PIWIL4: variants seen among roughly 807,000 people sequenced by gnomAD.
PIWIL4 encodes the protein piwi like RNA-mediated gene silencing 4, also known as piwi-like protein 4.
PIWIL4 carries 50 observed loss-of-function variants against 100.9 expected under a neutral mutation model. The ratio of observed to expected loss-of-function variants is 0.50; its 90% CI spans 0.39 to 0.63. The LOEUF is 0.63. PIWIL4 is among the 20% of genes least tolerant of loss of function. The pLI is 0.00. For synonymous variants in PIWIL4, 342 were observed against 367.5 expected, an observed-to-expected ratio of 0.93 and a Z score of 0.79; for missense variants, 887 against 1,043.3, an observed-to-expected ratio of 0.85 and a Z score of 2.06.
rs1293431616 is a variant in PIWIL4, at chr11:94,583,297, G to C, written c.514-151G>C. The C allele has an allele frequency of 9.6e-6, 8 of 835,304 alleles. No individual in the cohort carries two copies. In the Admixed American group the frequency reaches 2.0e-4, roughly 21 times the overall value. 51.7% of individuals were successfully genotyped at this position (835,304 alleles called of 1,614,324 possible). A position where few individuals can be genotyped will look rare whatever the true frequency, so the allele number is the denominator to read the frequency against. The stretch of plus-strand genomic sequence containing the variant: ...AAGATACAGAGAAAAAAAGCCCTCT[G>C]AACATAATGTGATGATTAGATTATT... On this transcript the variant is annotated intron_variant, in intron 4 of 19. Coordinates refer to ENST00000299001, the MANE Select transcript of PIWIL4 (RefSeq NM_152431.3).
chr11:94,616,080 TAC>T (rs1326534820), intron 15 of PIWIL4, among the ~76,000 whole-genome samples: 1 of 152,252 alleles, frequency 6.6e-6, no homozygotes, highest in Non-Finnish European at 1.5e-5. Flanking sequence ...TGGCCTCTAT[TAC>T]TCTTTACTAT....
chr11:94,577,586 C>G (rs941951856), intron 4 of PIWIL4, 94 bp downstream of exon 4: 2 of 972,908 alleles, frequency 2.1e-6, no homozygotes, highest in East Asian at 5.3e-5. Flanking sequence ...CAAGGAGATT[C>G]CAAAAGGTTT....
At chr11:94,595,952 CAT>C (rs1461315760) in intron 10 of PIWIL4, among the ~76,000 whole-genome samples, 2 of 152,172 alleles carry the variant, frequency 1.3e-5, no homozygotes, top group Non-Finnish European at 2.9e-5. Context: ...TTTGCTATAA[CAT>C]GTGATTGGAA....
rs1195100280 is a variant in PIWIL4 at position 94,619,748 on chromosome 11, T to C, written c.2169-12T>C. The C allele has an allele frequency of 1.2e-6, 2 of 1,608,128 alleles. No homozygotes were observed. The highest frequency in any genetic ancestry group is 1.7e-6 in the Non-Finnish European group (2 of 1,178,294). ...TTGAGTTCTTTTCATATTTTGCCTC[T>C]CTAATTTTTAGCTCAAGACTGTCGG... On this transcript the variant is annotated splice_polypyrimidine_tract_variant and intron_variant, in intron 17 of 19. Transcript: ENST00000299001.
At chr11:94,578,190 G>A (rs892704022) in intron 4 of PIWIL4, among the ~76,000 whole-genome samples, 15 of 152,026 alleles carry the variant, frequency 9.9e-5, no homozygotes, top group Admixed American at 4.6e-4. Flanking sequence ...CTTCAGGATC[G>A]TACTGGTAAA....
intron 14 of PIWIL4, 98 bp from the exon 15 acceptor site, chr11:94,608,485 C>T (rs2089309999): frequency 1.3e-5 from 13 of 972,392 alleles, no homozygotes; most frequent in Non-Finnish European, 2.1e-5. Flanking sequence ...TTTAAGAATT[C>T]AGTAACTGGA....
chr11:94,573,673 C>T (rs373949629), intron 2 of PIWIL4, among the ~76,000 whole-genome samples: 35 of 152,234 alleles, frequency 2.3e-4, no homozygotes, highest in South Asian at 1.0e-3. Context: ...TTTTGATATG[C>T]GCACATTGTT....
Position 94,589,030 on chromosome 11 carries a change from T to C in PIWIL4, c.915-91T>C, listed in dbSNP as rs1948442929. On this transcript the variant is annotated intron_variant, in intron 7 of 19. Transcript: ENST00000299001. ...TTTCATAATTTCTGACATTCTGGAG[T>C]CTATCTTATGTGTTGAATTAAAAGT... is the stretch of plus-strand genomic sequence containing the variant. 4.3e-5 allele frequency: 34 copies of C among 792,946 alleles called. No individual in the cohort carries two copies. In the South Asian group the frequency reaches 5.8e-4, roughly 14 times the overall value. 49.1% of individuals were successfully genotyped at this position (792,946 alleles called of 1,614,324 possible).
rs187267318 is a variant in PIWIL4 at position 94,606,224 on chromosome 11, G to A, written c.1639-1215G>A. ...GCTCCCATCTTCTCTCAGCCCATTGGGCCACTGCCTTGTTCTACCACTTTT... is the reference window on the plus strand; with the variant it reads ...GCTCCCATCTTCTCTCAGCCCATTGAGCCACTGCCTTGTTCTACCACTTTT... On this transcript the variant is annotated intron_variant, in intron 13 of 19. Coordinates refer to ENST00000299001, the MANE Select transcript of PIWIL4 (RefSeq NM_152431.3). Among the ~76,000 whole-genome samples the A allele has an allele frequency of 2.7e-3, 410 of 152,198 alleles. 2 individuals are homozygous for A. Among genetic ancestry groups the A allele is most frequent in the African/African-American group, 8.2e-3 (341 of 41,508 alleles).
rs372720869 is a variant in PIWIL4, at chr11:94,575,049, G to A, written c.217G>A (p.Gly73Ser). The change falls in exon 3 of 20, where the codon GGT (glycine) becomes AGT (serine). Residue 73 changes from glycine (G) to serine (S), a missense_variant. Gly to Ser is a moderately conservative substitution (Grantham distance 56, BLOSUM62 0). Around this residue, in one of 2 missense-constraint regions of PIWIL4, gnomAD observed 146 missense variants for 113.4 expected, o/e 1.29. Transcript: ENST00000299001. ...GDAGSTFMER[G>S]VKNKQDFMDL... The stretch of plus-strand genomic sequence containing the variant: ...TGCTGGAAGTACCTTCATGGAAAGA[G>A]GTGTGAAAAACAAACAGGACTTTAT... 2 of 1,613,250 alleles carry A rather than the reference G, an allele frequency of 1.2e-6. No homozygotes were observed. The highest frequency in any genetic ancestry group is 2.7e-5 in the African/African-American group (2 of 74,894).
chr11:94,571,758 G>A (rs893584867), intron 2 of PIWIL4, among the ~76,000 whole-genome samples: 2 of 152,202 alleles, frequency 1.3e-5, no homozygotes, highest in Non-Finnish European at 2.9e-5. Context: ...GTGTGCATGT[G>A]TCTTTATAGT....
Position 94,577,376 on chromosome 11 carries a change from G to A in PIWIL4, c.397G>A (p.Asp133Asn). 6.2e-7 allele frequency: 1 copy of A among 1,613,996 alleles called. No homozygotes were observed. Among genetic ancestry groups the A allele is most frequent in the Non-Finnish European group, 8.5e-7 (1 of 1,179,928 alleles). The change falls in exon 4 of 20, where the codon GAT (aspartate) becomes AAT (asparagine). Residue 133 changes from aspartate to asparagine, a missense_variant. By Grantham distance (23) the Asp-to-Asn change is conservative (BLOSUM62 1). Transcript: ENST00000299001. ...LYQYHVTYIP[D>N]LASRRLRIAL... ...CCAGTACCATGTGACATATATTCCA[G>A]ATTTAGCATCTAGAAGGCTGAGAAT...
intron 15 of PIWIL4, 126 bp from the exon 16 acceptor site, chr11:94,616,366 TA>T: frequency 1.3e-6 from 1 of 780,894 alleles, no homozygotes; most frequent in Non-Finnish European, 2.0e-6. Context: ...TGTGAACACA[TA>T]ACACATACAA....
At chr11:94,590,861 C>T (rs930233589) in intron 8 of PIWIL4, among the ~76,000 whole-genome samples, 1 of 152,180 alleles carries the variant, frequency 6.6e-6, no homozygotes, top group African/African-American at 2.4e-5. Context: ...TGTGATCCCT[C>T]ACCCTCACAG....
At chr11:94,606,838 A>C (rs868122388) in intron 13 of PIWIL4, among the ~76,000 whole-genome samples, 2 of 152,056 alleles carry the variant, frequency 1.3e-5, no homozygotes, top group Middle Eastern at 3.4e-3. Context: ...TGTCTCAAAA[A>C]AAAAAAAAAA....
rs114506427 is a variant in PIWIL4 at position 94,615,269 on chromosome 11, G to T, written c.1944-1224G>T. Reference sequence around the variant, plus strand: ...TATCCTGAATGGGTGAGGGAGCTGGGTACTCACTCACTACACTCTAATTTT... The same window carrying T: ...TATCCTGAATGGGTGAGGGAGCTGGTTACTCACTCACTACACTCTAATTTT... On this transcript the variant is annotated intron_variant, in intron 15 of 19. Coordinates refer to ENST00000299001, the MANE Select transcript of PIWIL4 (RefSeq NM_152431.3). Among the ~76,000 whole-genome samples the T allele has an allele frequency of 9.9e-3, 1,507 of 152,232 alleles. 20 individuals are homozygous for T. The highest frequency in any genetic ancestry group is 0.034 in the African/African-American group (1,422 of 41,536).
chr11:94,612,919 A>G (rs1340634815), intron 15 of PIWIL4, among the ~76,000 whole-genome samples: 1 of 151,988 alleles, frequency 6.6e-6, no homozygotes, highest in Non-Finnish European at 1.5e-5. Context: ...TATTAATTGT[A>G]TTGTTATTTT....
chr11:94,606,256 T>G (rs960773799), intron 13 of PIWIL4, among the ~76,000 whole-genome samples: 1 of 152,224 alleles, frequency 6.6e-6, no homozygotes, highest in Admixed American at 6.5e-5. Context: ...TTTTCTTGCT[T>G]GGAGCCAAAC....
rs1249925576 is a variant in PIWIL4 at position 94,585,436 on chromosome 11, T to C, written c.636-9T>C. 3.1e-6 allele frequency: 5 copies of C among 1,600,192 alleles called. No individual in the cohort carries two copies. In the African/African-American group the frequency reaches 6.7e-5, roughly 22 times the overall value. ...TATTTACCAAAAATTCAAAAAAATA[T>C]ACTTGCAGGATCCTCAAAAAGTTGT... On this transcript the variant is annotated splice_polypyrimidine_tract_variant and intron_variant, in intron 5 of 19. Transcript: ENST00000299001.
Sources: gnomAD v4.1 joint callset for allele counts (sites outside exome capture counted in the v4.1 genomes callset) on GRCh38, gnomAD v4.1.1 for gene constraint, gnomAD v4.1.1 regional missense constraint, MANE v1.5 for transcripts, NCBI Gene and HGNC (gene_info 2026-07-23, HGNC 2026-07-21) for gene names.